IRAK2: variants seen among roughly 807,000 people sequenced by gnomAD.
The protein encoded by IRAK2 is interleukin-1 receptor-associated kinase-like 2.
In IRAK2, 57 loss-of-function variants were observed where a neutral mutation model predicts 72.0. The observed-to-expected ratio is 0.79, with a 90% CI of 0.64 to 0.99. The LOEUF (loss-of-function observed/expected upper bound fraction) is 0.99. Among genes scored for constraint, IRAK2 ranks in the 50% least tolerant of loss-of-function variants. IRAK2 has a pLI of 0.00. For missense variants in IRAK2, 790 were observed against 794.4 expected (o/e 0.99, Z 0.07); for synonymous variants, 293 against 312.7 (o/e 0.94, Z 0.67).
chr3:10,181,317 A>AT lies in IRAK2; in HGVS notation c.277+3297_277+3298insT, dbSNP rs1696956326. ...TGGAGTGACTTTGTGTTAAAAAAAA[A>AT]AATAACCCTTGGCTGGGCATGGTGG... On this transcript the variant is annotated intron_variant, in intron 2 of 12. Coordinates refer to ENST00000256458, the MANE Select transcript of IRAK2 (RefSeq NM_001570.4). Among the ~76,000 whole-genome samples, 5 of 152,234 alleles carry AT rather than the reference A, an allele frequency of 3.3e-5. No individual in the cohort carries two copies. In the South Asian group the frequency reaches 1.0e-3, roughly 32 times the overall value.
At chr3:10,165,098 G>A in intron 1 of IRAK2, 50 bp downstream of exon 1, 1 of 1,516,306 alleles carries the variant, frequency 6.6e-7, no homozygotes. Context: ...GGAGCCCCCA[G>A]CGATCCCGCC....
At chr3:10,165,976 C>G (rs1252193287) in intron 1 of IRAK2, among the ~76,000 whole-genome samples, 5 of 151,960 alleles carry the variant, frequency 3.3e-5, no homozygotes, top group Admixed American at 2.0e-4. Flanking sequence ...GATCCGCCCA[C>G]CCTGGGCCTC....
chr3:10,211,151 C>T (rs188480249), intron 4 of IRAK2, among the ~76,000 whole-genome samples: 47 of 151,814 alleles, frequency 3.1e-4, no homozygotes, highest in African/African-American at 1.1e-3. Context: ...GCATGAGCCA[C>T]CGTGCCTGGC....
At chr3:10,227,101 A>G (rs1345878001) in intron 10 of IRAK2, among the ~76,000 whole-genome samples, 2 of 152,200 alleles carry the variant, frequency 1.3e-5, no homozygotes, top group African/African-American at 4.8e-5. Context: ...TATAATAAAA[A>G]CAATTTCCAT....
At chr3:10,237,763 G>A (rs1287502184) in intron 11 of IRAK2, among the ~76,000 whole-genome samples, 3 of 143,706 alleles carry the variant, frequency 2.1e-5, no homozygotes, top group African/African-American at 5.4e-5. Flanking sequence ...ACCGAGATAC[G>A]CCCCTGCAGT....
chr3:10,189,488 T>C (rs1438988496), intron 2 of IRAK2, among the ~76,000 whole-genome samples: 2 of 152,222 alleles, frequency 1.3e-5, no homozygotes, highest in East Asian at 3.8e-4. Context: ...AGGTTCCAGA[T>C]GTCAACTGAG....
chr3:10,207,780 G>A (rs994332157), intron 3 of IRAK2, among the ~76,000 whole-genome samples: 1 of 152,054 alleles, frequency 6.6e-6, no homozygotes, highest in Non-Finnish European at 1.5e-5. Flanking sequence ...ATCACTTGAG[G>A]TCAGGAGTTC....
intron 2 of IRAK2, among the ~76,000 whole-genome samples, chr3:10,184,438 C>G (rs1371042075): frequency 6.6e-6 from 1 of 152,140 alleles, no homozygotes; most frequent in Middle Eastern, 3.2e-3. Flanking sequence ...GCCTGGGGGC[C>G]TAATCAGTCA....
chr3:10,176,516 C>T (rs1456342737), intron 1 of IRAK2, among the ~76,000 whole-genome samples: 3 of 151,848 alleles, frequency 2.0e-5, no homozygotes, highest in African/African-American at 7.3e-5. Flanking sequence ...CTCTCTCTGT[C>T]TCCCAGGCTG....
chr3:10,170,635 C>T (rs1369034763), intron 1 of IRAK2, among the ~76,000 whole-genome samples: 4 of 152,202 alleles, frequency 2.6e-5, no homozygotes, highest in East Asian at 3.8e-4. Flanking sequence ...CGGGCAGGGG[C>T]CTTACCTGTC....
Position 10,242,193 on chromosome 3 carries a change from GA to G in IRAK2, c.1848del (p.Val617TrpfsTer25). On this transcript the variant is annotated frameshift_variant, in exon 13 of 13. Transcript: ENST00000256458. LOFTEE classifies it high-confidence loss of function. ...GGAGAATATTCTGCTCTACAAAGAG[GA>G]AAAAGTGGACAGCATTGAGCTCTTT... ...LMENILLYKE[E>X]KVDSIELFGP The G allele has an allele frequency of 6.2e-7, 1 of 1,613,288 alleles. No individual in the cohort carries two copies. The highest frequency in any genetic ancestry group is 1.1e-5 in the South Asian group (1 of 91,002).
rs537968785 is a variant in IRAK2, at chr3:10,211,244, C to T, written c.528+1552C>T. Among the ~76,000 whole-genome samples the T allele has an allele frequency of 1.8e-4, 27 of 152,102 alleles. 1 individual carries two copies. The South Asian group carries it at 4.4e-3, about 25-fold the overall frequency. ...GAAACCTCTGGTTCCCCAGTTTAAG[C>T]GATTCTCCTGCCTCAGCCTCCTGAG... On this transcript the variant is annotated intron_variant, in intron 4 of 12. Coordinates refer to ENST00000256458, the MANE Select transcript of IRAK2 (RefSeq NM_001570.4).
chr3:10,216,785 G>C (rs2125157666), intron 6 of IRAK2, 149 bp from the exon 7 acceptor site: 2 of 630,418 alleles, frequency 3.2e-6, no homozygotes, highest in East Asian at 5.5e-5. Context: ...TTCCACCCTG[G>C]GGCCAGGCCC....
rs528248273 is a variant in IRAK2 at position 10,242,534 on chromosome 3, G to A, written c.*306G>A. 3.7e-5 allele frequency: 7 copies of A among 187,510 alleles called. No homozygotes were observed. The highest frequency in any genetic ancestry group is 1.2e-4 in the Admixed American group (2 of 16,516). 11.6% of individuals were successfully genotyped at this position (187,510 alleles called of 1,614,324 possible). ...AGGATGTGGCTGATTTTGTGGTTCC[G>A]GGGAGTATGTGATGATAATCACCCC... On this transcript the variant is annotated 3_prime_UTR_variant, in exon 13 of 13. Coordinates refer to ENST00000256458, the MANE Select transcript of IRAK2 (RefSeq NM_001570.4).
chr3:10,220,336 A>T (rs1337425477), intron 8 of IRAK2, among the ~76,000 whole-genome samples: 1 of 152,162 alleles, frequency 6.6e-6, no homozygotes. Flanking sequence ...TTCCGAAGAT[A>T]CCAGAATATC....
intron 10 of IRAK2, among the ~76,000 whole-genome samples, chr3:10,231,399 C>T (rs1214029937): frequency 6.6e-6 from 1 of 152,088 alleles, no homozygotes; most frequent in African/African-American, 2.4e-5. Context: ...TCAAGCAATT[C>T]TCCTGCCTCA....
intron 2 of IRAK2, among the ~76,000 whole-genome samples, chr3:10,184,886 T>C (rs1169667): frequency 0.28 from 40,270 of 145,030 alleles, 7,311 homozygotes; most frequent in East Asian, 0.87. Flanking sequence ...CCCGCCACCA[T>C]GCCCGGCTAT....
At chr3:10,166,057 C>G (rs764177784) in intron 1 of IRAK2, among the ~76,000 whole-genome samples, 17 of 152,260 alleles carry the variant, frequency 1.1e-4, no homozygotes, top group Non-Finnish European at 2.1e-4. Context: ...AGGCGATCCA[C>G]CTGCTTCGGC....
At chr3:10,239,888 T>G (rs907027985) in intron 12 of IRAK2, among the ~76,000 whole-genome samples, 10 of 152,136 alleles carry the variant, frequency 6.6e-5, no homozygotes, top group African/African-American at 2.2e-4. Flanking sequence ...GGCTCATGCC[T>G]GTAATCCCAG....
Sources: allele counts gnomAD v4.1 joint callset (sites outside exome capture counted in the v4.1 genomes callset), GRCh38; gene constraint gnomAD v4.1.1; transcripts MANE v1.5; gene names NCBI Gene and HGNC (gene_info 2026-07-23, HGNC 2026-07-21).